TFDP2: variants seen among roughly 807,000 people sequenced by gnomAD.
The protein encoded by TFDP2 is transcription factor Dp-2 (E2F dimerization partner 2).
A neutral mutation model predicts 59.3 loss-of-function variants in TFDP2; 17 were observed. That is an observed-to-expected ratio of 0.29 (90% CI 0.20 to 0.43). The LOEUF is 0.43. Ranked by LOEUF, TFDP2 falls within the 20% of genes least tolerant of loss-of-function variation. The pLI, the probability that TFDP2 is intolerant of heterozygous loss-of-function variation, is 1.00. For synonymous variants in TFDP2, 180 were observed against 194.7 expected (o/e 0.92, Z 0.63); for missense variants, 391 against 528.8 (o/e 0.74, Z 2.56).
At chr3:142,105,319 C>T (rs1477169375) in intron 1 of TFDP2, among the ~76,000 whole-genome samples, 2 of 152,102 alleles carry the variant, frequency 1.3e-5, no homozygotes, top group Non-Finnish European at 2.9e-5. Flanking sequence ...TGGCAATGTG[C>T]CCCCAACTAC....
chr3:142,052,894 T>C (rs1372116585), intron 3 of TFDP2, among the ~76,000 whole-genome samples: 6 of 152,052 alleles, frequency 3.9e-5, no homozygotes, highest in South Asian at 4.2e-4. Context: ...ACTGCAAGCT[T>C]TGCCTCCTGG....
Position 141,952,583 on chromosome 3 carries a change from C to T in TFDP2, c.1271G>A (p.Gly424Asp), listed in dbSNP as rs1936047197. ...SAASHCSESR[G>D]ETPCSFNDED... ...ATCATTGAACGAACAGGGGGTCTCG[C>T]CTCGGGACTCGGAGCAGTGAGAGGC... The change falls in exon 13 of 13, where the codon GGC becomes GAC. Residue 424 changes from glycine (G) to aspartate (D), a missense_variant. Gly to Asp is a moderately conservative substitution (Grantham distance 94, BLOSUM62 -1). This residue lies in a region of TFDP2 where 223 missense variants were observed against 292.5 expected (regional missense o/e 0.76). Coordinates refer to ENST00000489671, the MANE Select transcript of TFDP2 (RefSeq NM_001178139.2). The T allele has an allele frequency of 1.3e-6, 2 of 1,572,922 alleles. No homozygotes were observed. The highest frequency in any genetic ancestry group is 1.7e-6 in the Non-Finnish European group (2 of 1,168,842).
intron 3 of TFDP2, among the ~76,000 whole-genome samples, chr3:142,072,805 T>C (rs1440747626): frequency 6.6e-6 from 1 of 152,152 alleles, no homozygotes; most frequent in Non-Finnish European, 1.5e-5. Flanking sequence ...AAATAAATGA[T>C]TGAATCAATA....
At chr3:142,108,371 G>A (rs1256524699) in intron 1 of TFDP2, among the ~76,000 whole-genome samples, 2 of 151,940 alleles carry the variant, frequency 1.3e-5, no homozygotes, top group East Asian at 3.9e-4. Flanking sequence ...CACCACGCAT[G>A]GCTAATTTTC....
intron 6 of TFDP2, among the ~76,000 whole-genome samples, chr3:141,985,535 A>C (rs1433532868): frequency 2.0e-5 from 3 of 151,658 alleles, no homozygotes; most frequent in Non-Finnish European, 2.9e-5. Context: ...AAAAAAAAAA[A>C]AAAAAAAACA....
intron 2 of TFDP2, among the ~76,000 whole-genome samples, chr3:142,100,958 C>T (rs544404858): frequency 8.6e-4 from 131 of 152,246 alleles, no homozygotes; most frequent in Non-Finnish European, 1.4e-3. Context: ...TTGAGATATC[C>T]CTGCATCTTT....
intron 4 of TFDP2, among the ~76,000 whole-genome samples, chr3:142,003,269 G>A (rs1040451838): frequency 1.4e-4 from 22 of 151,944 alleles, no homozygotes; most frequent in African/African-American, 5.1e-4. Context: ...AAAGTGCTGG[G>A]ATTACAGACA....
intron 3 of TFDP2, among the ~76,000 whole-genome samples, chr3:142,074,888 GA>G (rs1025972511): frequency 6.6e-6 from 1 of 151,922 alleles, no homozygotes; most frequent in Non-Finnish European, 1.5e-5. Context: ...ATGAATGAAT[GA>G]ATTTAAAAAG....
chr3:141,997,625 G>A (rs532424284), intron 4 of TFDP2, among the ~76,000 whole-genome samples: 6 of 151,898 alleles, frequency 4.0e-5, no homozygotes, highest in Admixed American at 6.6e-5. Flanking sequence ...AAAGGCAGGC[G>A]GATCATTTGA....
At chr3:142,140,442 A>G (rs4683674) in intron 1 of TFDP2, among the ~76,000 whole-genome samples, 12,653 of 152,050 alleles carry the variant, frequency 0.083, 654 homozygotes, top group Middle Eastern at 0.14. Flanking sequence ...GAGAAGAGGC[A>G]CTCTGGTTTT....
intron 3 of TFDP2, among the ~76,000 whole-genome samples, chr3:142,079,667 A>G (rs2060571654): frequency 6.6e-6 from 1 of 152,200 alleles, no homozygotes; most frequent in African/African-American, 2.4e-5. Context: ...AATAACATGC[A>G]ATGAAGCTCC....
intron 1 of TFDP2, among the ~76,000 whole-genome samples, chr3:142,116,976 C>G (rs1368576066): frequency 6.6e-6 from 1 of 151,872 alleles, no homozygotes; most frequent in Non-Finnish European, 1.5e-5. Flanking sequence ...GGCTGGAGTG[C>G]GATGGTGTGA....
rs1935352818 is a variant in TFDP2, at chr3:141,947,258, A to G, written c.*5255T>C. On this transcript the variant is annotated 3_prime_UTR_variant, in exon 13 of 13. Transcript: ENST00000489671. Reference sequence around the variant, plus strand: ...GCTTGGGGACCATTGCTTTGGGTGCATGAATATGGGAACCCATTTGGGAAA... The same window carrying G: ...GCTTGGGGACCATTGCTTTGGGTGCGTGAATATGGGAACCCATTTGGGAAA... The G allele has an allele frequency of 6.6e-6, 1 of 152,216 alleles. No homozygotes were observed. Among genetic ancestry groups the G allele is most frequent in the Non-Finnish European group, 1.5e-5 (1 of 68,046 alleles). The allele number at this position is 152,216 out of a possible 1,614,324, so 9.4% of individuals were successfully genotyped here.
chr3:142,127,501 T>C (rs2062318908), intron 1 of TFDP2, among the ~76,000 whole-genome samples: 1 of 151,912 alleles, frequency 6.6e-6, no homozygotes, highest in African/African-American at 2.4e-5. Context: ...AAAATACAAA[T>C]AATTTTTTGT....
At chr3:142,112,651 ACT>A (rs2061699980) in intron 1 of TFDP2, among the ~76,000 whole-genome samples, 2 of 152,200 alleles carry the variant, frequency 1.3e-5, no homozygotes, top group Non-Finnish European at 2.9e-5. Flanking sequence ...AAATAAATTC[ACT>A]GAGGTAGAAT....
In TFDP2 at chr3:142,011,765, C is replaced by T. The variant is rs1944727635; in HGVS notation, c.83-6221G>A. On this transcript the variant is annotated intron_variant, in intron 3 of 12. Coordinates refer to ENST00000489671, the MANE Select transcript of TFDP2 (RefSeq NM_001178139.2). The stretch of plus-strand genomic sequence containing the variant: ...AACAGGCACATTTTAAAAGTACTGA[C>T]TTGGCACCTACTATTCTATGTCAAG... Among the ~76,000 whole-genome samples, 3 of 151,880 alleles carry T rather than the reference C, an allele frequency of 2.0e-5. No individual in the cohort carries two copies. In the South Asian group the frequency reaches 6.2e-4, roughly 32 times the overall value.
chr3:141,996,236 A>T (rs1336315340), intron 4 of TFDP2, among the ~76,000 whole-genome samples: 1 of 152,236 alleles, frequency 6.6e-6, no homozygotes, highest in Non-Finnish European at 1.5e-5. Flanking sequence ...CAAAAAAACT[A>T]GCAGCCTAGT....
At chr3:141,970,542 A>C (rs1939561720) in intron 8 of TFDP2, among the ~76,000 whole-genome samples, 1 of 152,204 alleles carries the variant, frequency 6.6e-6, no homozygotes, top group African/African-American at 2.4e-5. Flanking sequence ...GTTGTTATCC[A>C]CTTTGCATCG....
chr3:142,054,960 A>G (rs1181964960), intron 3 of TFDP2, among the ~76,000 whole-genome samples: 3 of 152,216 alleles, frequency 2.0e-5, no homozygotes, highest in Non-Finnish European at 2.9e-5. Flanking sequence ...CCTGATTTTC[A>G]GAAGAGCCAA....
Sources: gnomAD v4.1 joint callset for allele counts (sites outside exome capture counted in the v4.1 genomes callset) on GRCh38, gnomAD v4.1.1 for gene constraint, gnomAD v4.1.1 regional missense constraint, MANE v1.5 for transcripts, NCBI Gene and HGNC (gene_info 2026-07-23, HGNC 2026-07-21) for gene names.